Variants in SDK1 observed in about 807,000 individuals in gnomAD.
The protein encoded by SDK1 is sidekick cell adhesion molecule 1.
In SDK1, 157 loss-of-function variants were observed where a neutral mutation model predicts 245.5. The observed-to-expected ratio is 0.64, with a 90% CI of 0.56 to 0.73. The LOEUF is 0.73. Among genes scored for constraint, SDK1 ranks in the 30% least tolerant of loss-of-function variants. SDK1 has a pLI of 0.00. For missense variants in SDK1, 3,583 were observed against 3,002.3 expected (o/e 1.19, Z -4.52); for synonymous variants, 1,647 against 1,278.5 (o/e 1.29, Z -6.15).
chr7:3,453,244 A>G (rs554152180), intron 1 of SDK1, among the ~76,000 whole-genome samples: 7 of 152,286 alleles, frequency 4.6e-5, no homozygotes, highest in African/African-American at 1.2e-4. Context: ...TGCTTAAACA[A>G]TGGCTCTAGA....
At chr7:3,411,968 C>T (rs376743746) in intron 1 of SDK1, among the ~76,000 whole-genome samples, 5 of 151,890 alleles carry the variant, frequency 3.3e-5, no homozygotes, top group Admixed American at 6.6e-5. Context: ...AGAGGAGAAA[C>T]GCACAAAGAA....
At chr7:3,968,006 C>T (rs1782208317) in intron 10 of SDK1, among the ~76,000 whole-genome samples, 1 of 152,252 alleles carries the variant, frequency 6.6e-6, no homozygotes, top group Non-Finnish European at 1.5e-5. Context: ...GCAAATGTCA[C>T]TCTTCTCTAT....
At position 4,127,496 on chromosome 7, in the gene SDK1, GGT is replaced by G; in HGVS notation, c.3939+6_3939+7del. ...AGAATGGGCTCATACTGGGCTACAA[GGT>G]GTGTGATCACAGGATGACCTCCCTT... On this transcript the variant is annotated splice_donor_variant, in intron 26 of 44. Transcript: ENST00000404826. LOFTEE classifies it high-confidence loss of function. 1 of 1,608,566 alleles carries G rather than the reference GGT, an allele frequency of 6.2e-7. No homozygotes were observed. The highest frequency in any genetic ancestry group is 8.5e-7 in the Non-Finnish European group (1 of 1,174,890).
chr7:3,508,361 T>C (rs553744488), intron 1 of SDK1, among the ~76,000 whole-genome samples: 2 of 149,368 alleles, frequency 1.3e-5, no homozygotes, highest in South Asian at 2.2e-4. Flanking sequence ...AATCTTGCCC[T>C]GTTGCCCTGG....
Position 4,114,107 on chromosome 7 carries a change from A to G in SDK1, c.3656A>G (p.Asp1219Gly). ...VGYRIKYWRS[D>G]LQSSAVAQVV... ...TACAGGATTAAGTACTGGCGCTCAG[A>G]CCTCCAGTCCTCAGCAGTGGCCCAA... The change falls in exon 25 of 45, where the codon GAC (aspartate) becomes GGC (glycine). Residue 1219 changes from aspartate (D) to glycine (G), a missense_variant. By Grantham distance (94) the Asp-to-Gly change is moderately conservative. Coordinates refer to ENST00000404826, the MANE Select transcript of SDK1 (RefSeq NM_152744.4). 6.2e-7 allele frequency: 1 copy of G among 1,614,174 alleles called. No homozygotes were observed. The highest frequency in any genetic ancestry group is 8.5e-7 in the Non-Finnish European group (1 of 1,180,042).
chr7:3,474,744 G>A (rs1162916725), intron 1 of SDK1, among the ~76,000 whole-genome samples: 1 of 152,234 alleles, frequency 6.6e-6, no homozygotes, highest in East Asian at 1.9e-4. Context: ...AGGCTGCAGT[G>A]CAGTGGCATG....
intron 1 of SDK1, among the ~76,000 whole-genome samples, chr7:3,387,003 G>A (rs1047329485): frequency 2.0e-5 from 3 of 152,154 alleles, no homozygotes; most frequent in Non-Finnish European, 4.4e-5. Context: ...TTCATCTTCA[G>A]TTAGTTGAGA....
At chr7:3,361,061 G>C (rs973744566) in intron 1 of SDK1, among the ~76,000 whole-genome samples, 1 of 152,138 alleles carries the variant, frequency 6.6e-6, no homozygotes, top group African/African-American at 2.4e-5. Flanking sequence ...GTGACAGACT[G>C]TTGTACTTTA....
chr7:3,621,685 C>G (rs927459457), intron 2 of SDK1, among the ~76,000 whole-genome samples: 1 of 152,192 alleles, frequency 6.6e-6, no homozygotes, highest in Non-Finnish European at 1.5e-5. Flanking sequence ...GGTTTCTCCT[C>G]CATCCCAGGA....
chr7:3,736,414 T>G (rs1033622626), intron 4 of SDK1, among the ~76,000 whole-genome samples: 1 of 152,122 alleles, frequency 6.6e-6, no homozygotes, highest in Non-Finnish European at 1.5e-5. Flanking sequence ...TGCCTCAGCC[T>G]CCCAAGTAGC....
At chr7:4,137,342 G>T (rs1028997780) in intron 28 of SDK1, among the ~76,000 whole-genome samples, 1 of 152,186 alleles carries the variant, frequency 6.6e-6, no homozygotes, top group East Asian at 1.9e-4. Context: ...TCTCCAAATT[G>T]CTCTGTGTAT....
At chr7:3,916,734 G>A (rs1779393381) in intron 5 of SDK1, among the ~76,000 whole-genome samples, 1 of 152,128 alleles carries the variant, frequency 6.6e-6, no homozygotes, top group Non-Finnish European at 1.5e-5. Context: ...GAGAAATTTA[G>A]CAATATTCTT....
chr7:3,889,013 T>C (rs183672095), intron 5 of SDK1, among the ~76,000 whole-genome samples: 227 of 152,354 alleles, frequency 1.5e-3, no homozygotes, highest in Non-Finnish European at 2.0e-3. Flanking sequence ...CTAGATGTGT[T>C]GATATTCCTT....
intron 14 of SDK1, among the ~76,000 whole-genome samples, chr7:3,994,867 A>G (rs2128142231): frequency 6.6e-6 from 1 of 152,188 alleles, no homozygotes. Flanking sequence ...CCCTTGAGCC[A>G]CCAGAGCGAG....
chr7:3,876,092 G>T (rs901734800), intron 5 of SDK1, among the ~76,000 whole-genome samples: 6 of 152,188 alleles, frequency 3.9e-5, no homozygotes, highest in Admixed American at 1.3e-4. Context: ...GGCCAGAACT[G>T]CTGTGGTGTG....
At chr7:3,495,563 A>G (rs1189771459) in intron 1 of SDK1, among the ~76,000 whole-genome samples, 3 of 152,122 alleles carry the variant, frequency 2.0e-5, no homozygotes, top group Admixed American at 1.3e-4. Flanking sequence ...TGGGCTGGAA[A>G]ACTTGGCTCT....
intron 38 of SDK1, among the ~76,000 whole-genome samples, chr7:4,211,334 G>A (rs1161450048): frequency 6.6e-6 from 1 of 152,200 alleles, no homozygotes; most frequent in Non-Finnish European, 1.5e-5. Context: ...TGGCTCGGAG[G>A]AGAACGGGTG....
intron 35 of SDK1, among the ~76,000 whole-genome samples, chr7:4,191,250 C>T (rs944729153): frequency 1.3e-5 from 2 of 152,162 alleles, no homozygotes; most frequent in Non-Finnish European, 2.9e-5. Context: ...GGCCCTCCCC[C>T]GCCGCGGTCA....
At chr7:3,639,635 C>G (rs965744672) in intron 3 of SDK1, among the ~76,000 whole-genome samples, 2 of 151,972 alleles carry the variant, frequency 1.3e-5, no homozygotes, top group Non-Finnish European at 2.9e-5. Context: ...TAAAAGTAAA[C>G]AAAGGAGATA....
Sources: allele counts gnomAD v4.1 joint callset (sites outside exome capture counted in the v4.1 genomes callset), GRCh38; gene constraint gnomAD v4.1.1; transcripts MANE v1.5; gene names NCBI Gene and HGNC (gene_info 2026-07-23, HGNC 2026-07-21).